TUT7: variants seen among roughly 807,000 people sequenced by gnomAD.
TUT7 encodes the protein terminal uridylyltransferase 7.
TUT7 carries 33 observed loss-of-function variants against 165.9 expected under a neutral mutation model. The ratio of observed to expected loss-of-function variants is 0.20; its 90% CI spans 0.15 to 0.27. The LOEUF is 0.27. Ranked by LOEUF, TUT7 falls within the 10% of genes least tolerant of loss-of-function variation. TUT7 has a pLI of 1.00. For synonymous variants in TUT7, 552 were observed against 608.1 expected (o/e 0.91, Z 1.36); for missense variants, 1,338 against 1,762.3 (o/e 0.76, Z 4.31).
chr9:86,323,118 C>G lies in TUT7; in HGVS notation c.2632G>C (p.Glu878Gln), dbSNP rs1478273989. Residue 878 changes from glutamate (E) to glutamine (Q), a missense_variant, in exon 13 of 27, where the codon GAG becomes CAG. By Grantham distance (29) the Glu-to-Gln change is conservative. Around this residue, in one of 7 missense-constraint regions of TUT7, gnomAD observed 425 missense variants for 474.9 expected, o/e 0.89. Coordinates refer to ENST00000375963, the MANE Select transcript of TUT7 (RefSeq NM_024617.4). ...GACCCAGTGTAGGTGTTGTCTAACT[C>G]ATCTTCATTAGCCATGCCATCTTCA... is the stretch of plus-strand genomic sequence containing the variant. ...EDEDGMANED[E>Q]LDNTYTGSGD... 1 of 1,614,054 alleles carries G rather than the reference C, an allele frequency of 6.2e-7. No individual in the cohort carries two copies. Among genetic ancestry groups the G allele is most frequent in the Non-Finnish European group, 8.5e-7 (1 of 1,180,040 alleles).
chr9:86,315,099 CA>C (rs1048877068), intron 17 of TUT7, among the ~76,000 whole-genome samples: 4 of 151,960 alleles, frequency 2.6e-5, no homozygotes, highest in South Asian at 4.2e-4. Flanking sequence ...GAAGCTTTCA[CA>C]AAAAAAACAT....
At chr9:86,322,118 C>T (rs1174356645) in intron 14 of TUT7, among the ~76,000 whole-genome samples, 2 of 151,968 alleles carry the variant, frequency 1.3e-5, no homozygotes, top group Non-Finnish European at 2.9e-5. Context: ...AAAGATCCTC[C>T]CTGCATCTCT....
At chr9:86,292,774 C>G (rs1371043376) in intron 26 of TUT7, among the ~76,000 whole-genome samples, 1 of 151,232 alleles carries the variant, frequency 6.6e-6, no homozygotes, top group African/African-American at 2.4e-5. Context: ...ACCCTTCTCT[C>G]TAAAAGAAAA....
At chr9:86,349,377 G>A (rs964555184) in intron 2 of TUT7, among the ~76,000 whole-genome samples, 11 of 152,054 alleles carry the variant, frequency 7.2e-5, no homozygotes, top group African/African-American at 2.7e-4. Context: ...TCTATATTCG[G>A]CATTCCAAGT....
At chr9:86,303,399 T>C (rs1827134216) in intron 24 of TUT7, among the ~76,000 whole-genome samples, 198 bp from the exon 25 acceptor site, 1 of 152,190 alleles carries the variant, frequency 6.6e-6, no homozygotes, top group Non-Finnish European at 1.5e-5. Context: ...ACTAAATCCA[T>C]TTTTGTTTAT....
At chr9:86,296,210 A>G (rs1418027829) in intron 26 of TUT7, among the ~76,000 whole-genome samples, 1 of 152,216 alleles carries the variant, frequency 6.6e-6, no homozygotes, top group Non-Finnish European at 1.5e-5. Flanking sequence ...TAGTCCTGTG[A>G]GGTGTTAGCA....
intron 24 of TUT7, among the ~76,000 whole-genome samples, chr9:86,304,582 T>A (rs1827276415): frequency 6.6e-6 from 1 of 151,758 alleles, no homozygotes; most frequent in Non-Finnish European, 1.5e-5. Flanking sequence ...CTATGAAGGC[T>A]AGCACAGATA....
chr9:86,349,668 G>A (rs1393662364), intron 2 of TUT7, among the ~76,000 whole-genome samples: 2 of 152,040 alleles, frequency 1.3e-5, no homozygotes, highest in Admixed American at 6.6e-5. Flanking sequence ...AAGAAATTTC[G>A]ATCTCTTTAA....
chr9:86,319,152 G>A (rs921612593), intron 15 of TUT7, 94 bp from the exon 16 acceptor site: 2 of 763,504 alleles, frequency 2.6e-6, no homozygotes, highest in Non-Finnish European at 4.2e-6. Flanking sequence ...ACACCCAGTT[G>A]TTTAATTATC....
chr9:86,315,122 T>C (rs1347263675), intron 17 of TUT7, among the ~76,000 whole-genome samples: 2 of 152,256 alleles, frequency 1.3e-5, no homozygotes, highest in African/African-American at 4.8e-5. Context: ...CAGATTTTTT[T>C]ACTTTTCCAC....
intron 8 of TUT7, 32 bp from the exon 9 acceptor site, chr9:86,338,981 G>T: frequency 6.6e-7 from 1 of 1,515,218 alleles, no homozygotes; most frequent in South Asian, 1.3e-5. Flanking sequence ...GGATGGGAAA[G>T]AAAAAAAGAA....
Position 86,318,938 on chromosome 9 carries a change from G to A in TUT7, c.3216+20C>T. The stretch of plus-strand genomic sequence containing the variant: ...AATCACACTGCCACAGCAAATGGAA[G>A]TTTTATGTGGTCACTGTACCTCAGC... On this transcript the variant is annotated intron_variant, in intron 16 of 26. Transcript: ENST00000375963. 1 of 1,585,868 alleles carries A rather than the reference G, an allele frequency of 6.3e-7. No homozygotes were observed. Among genetic ancestry groups the A allele is most frequent in the South Asian group, 1.1e-5 (1 of 89,102 alleles).
intron 25 of TUT7, 126 bp downstream of exon 25, chr9:86,302,951 ATAAAAAACT>A: frequency 1.9e-6 from 1 of 516,058 alleles, no homozygotes; most frequent in Non-Finnish European, 3.5e-6. Context: ...AAAAAATAAA[ATAAAAAACT>A]TAAATGTATC....
At chr9:86,296,933 T>A (rs1826378515) in intron 26 of TUT7, among the ~76,000 whole-genome samples, 1 of 152,164 alleles carries the variant, frequency 6.6e-6, no homozygotes. Context: ...TTTGGAAGAG[T>A]CTGATTTATT....
At chr9:86,345,247 T>C (rs1414197546) in intron 4 of TUT7, 93 bp from the exon 5 acceptor site, 4 of 1,200,608 alleles carry the variant, frequency 3.3e-6, no homozygotes, top group Non-Finnish European at 4.6e-6. Flanking sequence ...AGTTTTCTTT[T>C]TCTTAGCCCT....
At chr9:86,333,279 T>A (rs1167261194) in intron 10 of TUT7, among the ~76,000 whole-genome samples, 4 of 152,056 alleles carry the variant, frequency 2.6e-5, no homozygotes, top group Non-Finnish European at 5.9e-5. Context: ...GGTTTAGGAG[T>A]CTGGCATTAA....
rs570978703 is a variant in TUT7, at chr9:86,339,472, T to G, written c.1209-523A>C. ...GGCGGAGGTTGCAATGAGCCAAGAT[T>G]GCGCCACTGCACTCCAGCCTGGGCA... On this transcript the variant is annotated intron_variant, in intron 8 of 26. Coordinates refer to ENST00000375963, the MANE Select transcript of TUT7 (RefSeq NM_024617.4). Among the ~76,000 whole-genome samples the G allele has an allele frequency of 6.6e-5, 10 of 152,108 alleles. No homozygotes were observed. In the South Asian group the frequency reaches 8.3e-4, roughly 13 times the overall value.
At chr9:86,325,758 A>G (rs749177726) in intron 11 of TUT7, among the ~76,000 whole-genome samples, 70 of 152,188 alleles carry the variant, frequency 4.6e-4, no homozygotes, top group Non-Finnish European at 8.7e-4. Context: ...AATAGACAGG[A>G]TCAGTTTTAT....
At chr9:86,335,171 G>T (rs975794478) in intron 10 of TUT7, among the ~76,000 whole-genome samples, 5 of 152,138 alleles carry the variant, frequency 3.3e-5, no homozygotes, top group African/African-American at 1.2e-4. Context: ...GGTTCAGAAT[G>T]ACATTGAGGC....
Sources: allele counts gnomAD v4.1 joint callset (sites outside exome capture counted in the v4.1 genomes callset), GRCh38; gene constraint gnomAD v4.1.1; regional missense constraint gnomAD v4.1.1; transcripts MANE v1.5; gene names NCBI Gene and HGNC (gene_info 2026-07-23, HGNC 2026-07-21).